KCNB2: variants seen among roughly 807,000 people sequenced by gnomAD.
The protein encoded by KCNB2 is delayed rectifier potassium channel protein.
Under a neutral mutation model 61.5 loss-of-function variants are expected in KCNB2, and 15 were observed. That is an observed-to-expected ratio of 0.24 (90% CI 0.16 to 0.38). The LOEUF (loss-of-function observed/expected upper bound fraction) is 0.38, where lower values mean the gene tolerates loss of function less well. KCNB2 is among the 10% of genes least tolerant of loss of function. The pLI, the probability that KCNB2 is intolerant of heterozygous loss-of-function variation, is 1.00. For synonymous variants in KCNB2, 457 were observed against 446.0 expected, an observed-to-expected ratio of 1.02 and a Z score of -0.31; for missense variants, 828 against 1,125.2, an observed-to-expected ratio of 0.74 and a Z score of 3.78.
chr8:72,673,576 A>G (rs959312369), intron 2 of KCNB2, among the ~76,000 whole-genome samples: 1 of 152,236 alleles, frequency 6.6e-6, no homozygotes, highest in African/African-American at 2.4e-5. Context: ...ACAGACTAAT[A>G]CATGTGTTAT....
chr8:72,920,647 T>C (rs1287060380), intron 2 of KCNB2, among the ~76,000 whole-genome samples: 4 of 150,832 alleles, frequency 2.7e-5, no homozygotes, highest in Non-Finnish European at 5.9e-5. Context: ...TGTCTCAAAA[T>C]ATAAAATAAT....
At chr8:72,873,224 C>A (rs1402243420) in intron 2 of KCNB2, among the ~76,000 whole-genome samples, 1 of 152,210 alleles carries the variant, frequency 6.6e-6, no homozygotes, top group Non-Finnish European at 1.5e-5. Flanking sequence ...CCACTGTAGT[C>A]ATTTCCTCTT....
At chr8:72,715,753 T>G in intron 2 of KCNB2, among the ~76,000 whole-genome samples, 1 of 152,062 alleles carries the variant, frequency 6.6e-6, no homozygotes, top group Non-Finnish European at 1.5e-5. Context: ...TTAAAAGAAC[T>G]AGAGAAGCAA....
chr8:72,728,590 A>G (rs1807688737), intron 2 of KCNB2, among the ~76,000 whole-genome samples: 1 of 152,220 alleles, frequency 6.6e-6, no homozygotes, highest in Non-Finnish European at 1.5e-5. Context: ...ATGTAGATAG[A>G]TATCTATGAT....
chr8:72,742,518 C>T (rs1163847235), intron 2 of KCNB2, among the ~76,000 whole-genome samples: 4 of 152,170 alleles, frequency 2.6e-5, no homozygotes, highest in African/African-American at 9.7e-5. Flanking sequence ...CATTTCAGAG[C>T]CACAGGCAGA....
intron 2 of KCNB2, among the ~76,000 whole-genome samples, chr8:72,741,646 C>A (rs1807962145): frequency 6.6e-6 from 1 of 152,056 alleles, no homozygotes; most frequent in Non-Finnish European, 1.5e-5. Flanking sequence ...TTAGCTCCCA[C>A]TGGTAAGTGA....
intron 1 of KCNB2, among the ~76,000 whole-genome samples, chr8:72,555,424 T>C (rs897437003): frequency 5.3e-5 from 8 of 151,852 alleles, no homozygotes; most frequent in Admixed American, 2.0e-4. Flanking sequence ...CTTATGGGCA[T>C]TTTGATCTTA....
intron 2 of KCNB2, among the ~76,000 whole-genome samples, chr8:72,834,036 G>C (rs1809738974): frequency 6.6e-6 from 1 of 152,040 alleles, no homozygotes; most frequent in Non-Finnish European, 1.5e-5. Flanking sequence ...TCTTCCCACA[G>C]GATTTTTAAA....
intron 2 of KCNB2, among the ~76,000 whole-genome samples, chr8:72,710,270 G>A (rs930092982): frequency 2.6e-5 from 4 of 152,078 alleles, no homozygotes; most frequent in Non-Finnish European, 4.4e-5. Flanking sequence ...TGCCATCTGG[G>A]CCCCTTCAAA....
chr8:72,768,189 G>A (rs1407807841), intron 2 of KCNB2, among the ~76,000 whole-genome samples: 2 of 152,002 alleles, frequency 1.3e-5, no homozygotes, highest in Non-Finnish European at 2.9e-5. Context: ...CTTTGTGTGT[G>A]TGTTTGTGAC....
intron 2 of KCNB2, among the ~76,000 whole-genome samples, chr8:72,748,603 T>C (rs1342648130): frequency 8.4e-6 from 1 of 119,090 alleles, no homozygotes; most frequent in East Asian, 2.1e-4. Flanking sequence ...CTTTGGTTTT[T>C]TTTTTGTTGT....
At chr8:72,642,411 C>T (rs1315386512) in intron 2 of KCNB2, among the ~76,000 whole-genome samples, 1 of 152,002 alleles carries the variant, frequency 6.6e-6, no homozygotes, top group African/African-American at 2.4e-5. Flanking sequence ...TAGTAGGCAG[C>T]ACTGTTTCAG....
At chr8:72,628,129 T>C (rs1805820713) in intron 2 of KCNB2, among the ~76,000 whole-genome samples, 1 of 152,084 alleles carries the variant, frequency 6.6e-6, no homozygotes. Flanking sequence ...AATTTTTGTA[T>C]TTTTAGTAGA....
At chr8:72,656,577 C>T (rs1806295573) in intron 2 of KCNB2, among the ~76,000 whole-genome samples, 1 of 152,074 alleles carries the variant, frequency 6.6e-6, no homozygotes. Flanking sequence ...CTTTCCAGGG[C>T]TGTTTTGTTA....
chr8:72,552,754 G>A (rs1453050829), intron 1 of KCNB2, among the ~76,000 whole-genome samples: 3 of 152,130 alleles, frequency 2.0e-5, no homozygotes, highest in African/African-American at 7.2e-5. Context: ...TCTTTATTGA[G>A]GGCATTTCTG....
chr8:72,923,063 A>G (rs994672577), intron 2 of KCNB2, among the ~76,000 whole-genome samples: 13 of 152,050 alleles, frequency 8.5e-5, no homozygotes, highest in Admixed American at 7.2e-4. Flanking sequence ...GGTGGATTCA[A>G]AGATTTCCTG....
At chr8:72,598,181 C>T (rs113145661) in intron 2 of KCNB2, among the ~76,000 whole-genome samples, 1 of 151,330 alleles carries the variant, frequency 6.6e-6, no homozygotes, top group Non-Finnish European at 1.5e-5. Flanking sequence ...CCTTGATGAA[C>T]ATTGATGCAA....
rs370061449 is a variant in KCNB2 at position 72,937,939 on chromosome 8, A to T, written c.2584A>T (p.Asn862Tyr). ...GSSSPQDTGHNCRQDIYHAVS... is the reference protein window; with the variant it reads ...GSSSPQDTGHYCRQDIYHAVS... Reference sequence around the variant, plus strand: ...TTCCTCCCCGCAGGACACAGGTCACAACTGTAGGCAAGACATTTACCATGC... The same window carrying T: ...TTCCTCCCCGCAGGACACAGGTCACTACTGTAGGCAAGACATTTACCATGC... The change falls in exon 3 of 3, where the codon AAC becomes TAC. Residue 862 changes from asparagine to tyrosine, a missense_variant. Physicochemically the swap from Asn to Tyr is moderately radical, Grantham distance 143 (BLOSUM62 -2). Transcript: ENST00000523207. 2.4e-5 allele frequency: 39 copies of T among 1,614,044 alleles called. No homozygotes were observed. The highest frequency in any genetic ancestry group is 3.3e-5 in the Non-Finnish European group (39 of 1,180,028).
rs1806130225 is a variant in KCNB2, at chr8:72,646,462, G to A, written c.579+78149G>A. Among the ~76,000 whole-genome samples the A allele has an allele frequency of 1.3e-5, 2 of 152,116 alleles. 1 individual carries two copies. The highest frequency in any genetic ancestry group is 4.1e-4 in the South Asian group (2 of 4,824). On this transcript the variant is annotated intron_variant, in intron 2 of 2. Transcript: ENST00000523207. Reference sequence around the variant, plus strand: ...TCTTCCAACATGTCTTTGGTTGCATGATGAAAGTTGGAAACATAATATTCA... The same window carrying A: ...TCTTCCAACATGTCTTTGGTTGCATAATGAAAGTTGGAAACATAATATTCA...
Sources: gnomAD v4.1 joint callset for allele counts (sites outside exome capture counted in the v4.1 genomes callset) on GRCh38, gnomAD v4.1.1 for gene constraint, MANE v1.5 for transcripts, NCBI Gene and HGNC (gene_info 2026-07-23, HGNC 2026-07-21) for gene names.